The following ITGBL1 variants were observed in gnomAD, a reference collection of about 807,000 sequenced individuals.
ITGBL1 encodes the protein integrin beta-like protein 1.
ITGBL1 carries 51 observed loss-of-function variants against 68.5 expected under a neutral mutation model. That is an observed-to-expected ratio of 0.74 (90% CI 0.59 to 0.94). The LOEUF is 0.94. Among genes scored for constraint, ITGBL1 ranks in the 40% least tolerant of loss-of-function variants. ITGBL1 has a pLI of 0.00. For missense variants in ITGBL1, 649 were observed against 647.4 expected (o/e 1.00, Z -0.03); for synonymous variants, 209 against 227.3 (o/e 0.92, Z 0.72).
At chr13:101,694,752 A>G (rs976360758) in intron 8 of ITGBL1, among the ~76,000 whole-genome samples, 4 of 152,008 alleles carry the variant, frequency 2.6e-5, no homozygotes, top group African/African-American at 9.7e-5. Context: ...TTTTCTGTCT[A>G]TTTGTTGCTT....
chr13:101,526,328 C>A (rs1428634049), intron 2 of ITGBL1, among the ~76,000 whole-genome samples: 1 of 151,850 alleles, frequency 6.6e-6, no homozygotes, highest in African/African-American at 2.4e-5. Context: ...CTGACAGGCC[C>A]CGGTGTGTGA....
At chr13:101,682,131 A>G (rs995303992) in intron 7 of ITGBL1, among the ~76,000 whole-genome samples, 6 of 152,100 alleles carry the variant, frequency 3.9e-5, no homozygotes, top group Non-Finnish European at 4.4e-5. Context: ...TGACCTTTCC[A>G]TTTCTTCTCT....
intron 2 of ITGBL1, among the ~76,000 whole-genome samples, chr13:101,532,588 T>A (rs541588758): frequency 3.9e-5 from 6 of 152,258 alleles, no homozygotes; most frequent in African/African-American, 1.4e-4. Context: ...TGCTTAAGAT[T>A]AGAAAGAAAA....
intron 2 of ITGBL1, among the ~76,000 whole-genome samples, chr13:101,472,826 A>G (rs2048481807): frequency 6.6e-6 from 1 of 152,138 alleles, no homozygotes; most frequent in Admixed American, 6.6e-5. Context: ...CCATATTTGT[A>G]TAAATATATT....
In ITGBL1 at chr13:101,672,620, A is replaced by G. The variant is rs141363692; in HGVS notation, c.1016-19965A>G. Among the ~76,000 whole-genome samples the G allele has an allele frequency of 3.1e-3, 479 of 152,262 alleles. 3 individuals carry two copies. The highest frequency in any genetic ancestry group is 0.016 in the South Asian group (79 of 4,824). On this transcript the variant is annotated intron_variant, in intron 7 of 10. Coordinates refer to ENST00000376180, the MANE Select transcript of ITGBL1 (RefSeq NM_004791.3). Reference sequence around the variant, plus strand: ...GTAAATGTCACACCTGATCCAATCAATCTGTGGGCCCTACATAAATCAGAC... The same window carrying G: ...GTAAATGTCACACCTGATCCAATCAGTCTGTGGGCCCTACATAAATCAGAC...
chr13:101,478,198 C>T (rs566659527), intron 2 of ITGBL1, among the ~76,000 whole-genome samples: 5 of 151,974 alleles, frequency 3.3e-5, no homozygotes, highest in Non-Finnish European at 7.4e-5. Flanking sequence ...AATCAATCAA[C>T]GTGATACAAC....
At chr13:101,455,860 C>T (rs1350834805) in intron 2 of ITGBL1, among the ~76,000 whole-genome samples, 1 of 152,128 alleles carries the variant, frequency 6.6e-6, no homozygotes, top group Non-Finnish European at 1.5e-5. Flanking sequence ...TCTTCAATAT[C>T]ATGAATTTTG....
intron 7 of ITGBL1, among the ~76,000 whole-genome samples, chr13:101,630,625 T>C (rs888529202): frequency 1.3e-5 from 2 of 152,240 alleles, no homozygotes; most frequent in Non-Finnish European, 2.9e-5. Flanking sequence ...TAGTTCTACA[T>C]CTATCATCAT....
chr13:101,524,293 A>G (rs958686258), intron 2 of ITGBL1, among the ~76,000 whole-genome samples: 1 of 152,092 alleles, frequency 6.6e-6, no homozygotes, highest in Admixed American at 6.6e-5. Context: ...TTCAGATTCT[A>G]TATAATCATC....
intron 2 of ITGBL1, among the ~76,000 whole-genome samples, chr13:101,482,189 A>G (rs947384483): frequency 1.3e-5 from 2 of 152,148 alleles, no homozygotes; most frequent in African/African-American, 4.8e-5. Flanking sequence ...AGTTATTTAA[A>G]TTTTTATTTG....
intron 2 of ITGBL1, among the ~76,000 whole-genome samples, chr13:101,494,149 C>G (rs572389499): frequency 6.6e-6 from 1 of 152,254 alleles, no homozygotes; most frequent in East Asian, 1.9e-4. Flanking sequence ...AGCCAAAAAG[C>G]AAACAGGGGA....
At chr13:101,655,588 TA>T (rs111614652) in intron 7 of ITGBL1, among the ~76,000 whole-genome samples, 3,201 of 152,302 alleles carry the variant, frequency 0.021, 99 homozygotes, top group African/African-American at 0.07. Context: ...TTTCTGTGTG[TA>T]AACCCAATTT....
At position 101,603,437 on chromosome 13, in the gene ITGBL1, A is replaced by C. The variant is rs185017321; in HGVS notation, c.1015+5138A>C. 3.5e-3 allele frequency among the ~76,000 whole-genome samples: 538 copies of C among 151,978 alleles called. 4 individuals are homozygous for C. Among genetic ancestry groups the C allele is most frequent in the African/African-American group, 0.012 (505 of 41,500 alleles). ...GTATTTTTGACTAGCCCTGTATTTC[A>C]CCAGTAACCCCAGACAGGAACCATT... On this transcript the variant is annotated intron_variant, in intron 7 of 10. Transcript: ENST00000376180.
intron 2 of ITGBL1, among the ~76,000 whole-genome samples, chr13:101,503,482 A>ATC (rs563325222): frequency 1.4e-3 from 215 of 152,288 alleles, no homozygotes; most frequent in African/African-American, 4.8e-3. Flanking sequence ...GGGGGCTGGG[A>ATC]TCAAGAAAGG....
intron 2 of ITGBL1, among the ~76,000 whole-genome samples, chr13:101,471,921 A>G (rs2048466868): frequency 6.6e-6 from 1 of 152,206 alleles, no homozygotes; most frequent in African/African-American, 2.4e-5. Context: ...TATTCAGTGA[A>G]ATTAATTTAT....
rs2034683733 is a variant in ITGBL1 at position 101,715,611 on chromosome 13, A to G, written c.1442A>G (p.Asn481Ser). ...AACTGTGAATGCTGGGATGGATGGA[A>G]TGGAAATGCATGTGAAATCTGGCTT... ...CGNCECWDGW[N>S]GNACEIWLGS... The change falls in exon 11 of 11, where the codon AAT becomes AGT. Residue 481 changes from asparagine to serine, a missense_variant. Asn to Ser is a conservative substitution (Grantham distance 46). Coordinates refer to ENST00000376180, the MANE Select transcript of ITGBL1 (RefSeq NM_004791.3). 6 of 1,613,398 alleles carry G rather than the reference A, an allele frequency of 3.7e-6. No individual in the cohort carries two copies. Among genetic ancestry groups the G allele is most frequent in the African/African-American group, 1.3e-5 (1 of 74,894 alleles).
chr13:101,661,282 C>T (rs80207728), intron 7 of ITGBL1, among the ~76,000 whole-genome samples: 25 of 152,156 alleles, frequency 1.6e-4, no homozygotes, highest in African/African-American at 3.9e-4. Flanking sequence ...TCCTAAACTC[C>T]GGAATATCTT....
chr13:101,524,667 T>TA (rs1348760791), intron 2 of ITGBL1, among the ~76,000 whole-genome samples: 1 of 151,344 alleles, frequency 6.6e-6, no homozygotes, highest in Non-Finnish European at 1.5e-5. Context: ...TTTTTTTTTT[T>TA]TTGCAAATAT....
chr13:101,553,786 C>CT (rs1367457005), intron 2 of ITGBL1, among the ~76,000 whole-genome samples: 2 of 151,880 alleles, frequency 1.3e-5, no homozygotes, highest in Non-Finnish European at 2.9e-5. Flanking sequence ...TATTTCCCCC[C>CT]TTTTTTTGAG....
Sources: allele counts gnomAD v4.1 joint callset (sites outside exome capture counted in the v4.1 genomes callset), GRCh38; gene constraint gnomAD v4.1.1; transcripts MANE v1.5; gene names NCBI Gene and HGNC (gene_info 2026-07-23, HGNC 2026-07-21).